The following PTPRN2 variants were observed in gnomAD, a reference collection of about 807,000 sequenced individuals.
PTPRN2 encodes the protein protein tyrosine phosphatase receptor type N2.
Under a neutral mutation model 118.8 loss-of-function variants are expected in PTPRN2, and 74 were observed. The observed-to-expected ratio is 0.62, with a 90% CI of 0.52 to 0.76. PTPRN2 has a LOEUF of 0.76. Among genes scored for constraint, PTPRN2 ranks in the 30% least tolerant of loss-of-function variants. PTPRN2 has a pLI of 0.00. For synonymous variants in PTPRN2, 641 were observed against 608.0 expected (o/e 1.05, Z -0.80); for missense variants, 1,481 against 1,394.4 (o/e 1.06, Z -0.99).
At chr7:158,540,614 G>A (rs1224298360) in intron 1 of PTPRN2, among the ~76,000 whole-genome samples, 5 of 152,158 alleles carry the variant, frequency 3.3e-5, no homozygotes, top group South Asian at 2.1e-4. Context: ...ACAGCAGAGC[G>A]TCACCACCCC....
chr7:157,652,621 G>A (rs1237342040), intron 14 of PTPRN2, among the ~76,000 whole-genome samples: 2 of 152,128 alleles, frequency 1.3e-5, no homozygotes, highest in Non-Finnish European at 2.9e-5. Flanking sequence ...TGAGACGTGT[G>A]CTCTCCCTCT....
intron 12 of PTPRN2, among the ~76,000 whole-genome samples, chr7:157,771,600 C>T (rs1031883736): frequency 1.3e-5 from 2 of 152,214 alleles, no homozygotes; most frequent in Non-Finnish European, 2.9e-5. Context: ...GAAAGACACA[C>T]ACGGCACAGG....
At position 158,339,548 on chromosome 7, in the gene PTPRN2, A is replaced by G. The variant is rs1177428630; in HGVS notation, c.164-22616T>C. On this transcript the variant is annotated intron_variant, in intron 2 of 22. Transcript: ENST00000389418. ...TGATGCCTGCAGACGTCACTCACGT[A>G]CACACTTCTCACCATAAGAGGTGAC... 3.3e-4 allele frequency among the ~76,000 whole-genome samples: 3 copies of G among 9,184 alleles called. 1 individual carries two copies. The South Asian group carries it at 0.01, about 31-fold the overall frequency. The allele number at this position is 9,184 out of a possible 152,430, so 6.0% of individuals were successfully genotyped here. A position where few individuals can be genotyped will look rare whatever the true frequency, so the allele number is the denominator to read the frequency against.
rs1332870040 is a variant in PTPRN2, at chr7:158,529,739, A to C, written c.113-39954T>G. On this transcript the variant is annotated intron_variant, in intron 1 of 22. Coordinates refer to ENST00000389418, the MANE Select transcript of PTPRN2 (RefSeq NM_002847.5). The surrounding 1 kb of genome is among the most constrained non-coding windows in gnomAD (Gnocchi z 4.7). The stretch of plus-strand genomic sequence containing the variant: ...GGGGCTGTGGGGAGGGGCGGTCACC[A>C]GAAGGGGCCAGGCGGGAGCAGGACC... Among the ~76,000 whole-genome samples, 3 of 152,146 alleles carry C rather than the reference A, an allele frequency of 2.0e-5. No homozygotes were observed. Among genetic ancestry groups the C allele is most frequent in the Non-Finnish European group, 4.4e-5 (3 of 68,032 alleles).
At chr7:158,264,553 G>A (rs1216451198) in intron 3 of PTPRN2, among the ~76,000 whole-genome samples, 2 of 152,190 alleles carry the variant, frequency 1.3e-5, no homozygotes, top group East Asian at 3.9e-4. Flanking sequence ...GCAGCCGGTG[G>A]CAGCAGGTGA....
At chr7:158,309,632 C>T (rs1049952559) in intron 3 of PTPRN2, among the ~76,000 whole-genome samples, 11 of 152,036 alleles carry the variant, frequency 7.2e-5, no homozygotes, top group South Asian at 2.1e-4. Flanking sequence ...TTTATAAATA[C>T]GGACATAAAA....
chr7:158,480,290 T>C (rs1435070502), intron 2 of PTPRN2, among the ~76,000 whole-genome samples: 1 of 152,166 alleles, frequency 6.6e-6, no homozygotes, highest in African/African-American at 2.4e-5. Context: ...TCTTTGGTGT[T>C]ACTGTCATTG....
chr7:157,695,974 G>A (rs74364479), intron 12 of PTPRN2, among the ~76,000 whole-genome samples: 12 of 134,342 alleles, frequency 8.9e-5, no homozygotes, highest in South Asian at 7.7e-4. Flanking sequence ...TGCATACTGG[G>A]TCTTGGCAGA....
chr7:158,317,884 C>A (rs1005792857), intron 2 of PTPRN2, among the ~76,000 whole-genome samples: 1 of 152,192 alleles, frequency 6.6e-6, no homozygotes, highest in Non-Finnish European at 1.5e-5. Context: ...CTCACGACGA[C>A]GGGGCCGGGT....
At chr7:158,314,455 C>A (rs1399790868) in intron 3 of PTPRN2, among the ~76,000 whole-genome samples, 1 of 152,252 alleles carries the variant, frequency 6.6e-6, no homozygotes, top group East Asian at 1.9e-4. Context: ...GGCAGCATTC[C>A]GTCTGTGTCA....
intron 14 of PTPRN2, among the ~76,000 whole-genome samples, chr7:157,652,759 C>G (rs1438004440): frequency 6.6e-6 from 1 of 152,248 alleles, no homozygotes; most frequent in Non-Finnish European, 1.5e-5. Flanking sequence ...GGGCAGGCAC[C>G]TGCCGCCTCC....
chr7:157,715,312 C>A (rs1563030339), intron 12 of PTPRN2, among the ~76,000 whole-genome samples: 1 of 152,234 alleles, frequency 6.6e-6, no homozygotes, highest in Non-Finnish European at 1.5e-5. Flanking sequence ...CGCGGGAAAC[C>A]CCTCAGCAAC....
intron 4 of PTPRN2, among the ~76,000 whole-genome samples, chr7:158,196,193 C>T (rs902856179): frequency 2.0e-5 from 3 of 152,236 alleles, no homozygotes; most frequent in African/African-American, 7.2e-5. Context: ...GACACAAGGT[C>T]ATCAGTCATC....
At chr7:158,338,753 C>T (rs1330474672) in intron 2 of PTPRN2, among the ~76,000 whole-genome samples, 4 of 16,998 alleles carry the variant, frequency 2.4e-4, no homozygotes, top group East Asian at 9.9e-4. Context: ...CACCTGCAAA[C>T]GTCACTCACA....
At chr7:157,951,780 C>T (rs1330481969) in intron 11 of PTPRN2, among the ~76,000 whole-genome samples, 1 of 152,244 alleles carries the variant, frequency 6.6e-6, no homozygotes, top group Non-Finnish European at 1.5e-5. Context: ...CTGACCATGG[C>T]CCTGCTCCAT....
chr7:158,137,327 G>C (rs1818915436), intron 7 of PTPRN2, among the ~76,000 whole-genome samples: 1 of 152,144 alleles, frequency 6.6e-6, no homozygotes, highest in African/African-American at 2.4e-5. Context: ...TGAGGCATGA[G>C]AATCACTTGA....
At chr7:158,434,601 TCTTTAATTTTTGAGTGGAGTATTTATC>T (rs1367279349) in intron 2 of PTPRN2, among the ~76,000 whole-genome samples, 3 of 152,180 alleles carry the variant, frequency 2.0e-5, no homozygotes, top group Admixed American at 2.0e-4. Flanking sequence ...TTAGTGACAA[TCTTTAATTTTTGAGTGGAGTATTTATC>T]TCATTTATTT....
At chr7:158,441,322 A>T (rs28970612) in intron 2 of PTPRN2, among the ~76,000 whole-genome samples, 34,858 of 87,632 alleles carry the variant, frequency 0.4, 8,105 homozygotes, top group East Asian at 0.62. Flanking sequence ...ATGGCAATGA[A>T]GGTGATGGTG....
At chr7:157,631,877 G>C (rs1803984588) in intron 14 of PTPRN2, among the ~76,000 whole-genome samples, 1 of 151,094 alleles carries the variant, frequency 6.6e-6, no homozygotes, top group Admixed American at 6.6e-5. Flanking sequence ...CTTCAGATAA[G>C]GCTGTCAAGA....
Sources: gnomAD v4.1 joint callset for allele counts (sites outside exome capture counted in the v4.1 genomes callset) on GRCh38, gnomAD v4.1.1 for gene constraint, Gnocchi (gnomAD v3.1) non-coding constraint, MANE v1.5 for transcripts, NCBI Gene and HGNC (gene_info 2026-07-23, HGNC 2026-07-21) for gene names.